The following TJP2 variants were observed in gnomAD, a reference collection of about 807,000 sequenced individuals.
TJP2 encodes Friedreich ataxia region gene X104 (tight junction protein ZO-2).
A neutral mutation model predicts 133.1 loss-of-function variants in TJP2; 91 were observed. That is an observed-to-expected ratio of 0.68 (90% CI 0.58 to 0.81). TJP2 has a LOEUF of 0.81. Ranked by LOEUF, TJP2 falls within the 40% of genes least tolerant of loss-of-function variation. The probability of loss-of-function intolerance (pLI) is 0.00; values close to 1 mark genes in which losing one functional copy is unlikely to be tolerated. For missense variants in TJP2, 1,541 were observed against 1,565.6 expected, an observed-to-expected ratio of 0.98 and a Z score of 0.26; for synonymous variants, 592 against 583.4, an observed-to-expected ratio of 1.01 and a Z score of -0.21.
intron 17 of TJP2, among the ~76,000 whole-genome samples, chr9:69,244,569 G>A (rs935368794): frequency 4.6e-5 from 7 of 152,192 alleles, no homozygotes; most frequent in Admixed American, 2.0e-4. Flanking sequence ...GGGGATATAG[G>A]CATAACCCAG....
chr9:69,175,210 C>T (rs1476856141), intron 1 of TJP2, among the ~76,000 whole-genome samples: 1 of 152,212 alleles, frequency 6.6e-6, no homozygotes, highest in South Asian at 2.1e-4. Flanking sequence ...TTAGGCTAGG[C>T]TGCTTTTCTG....
Position 69,212,557 on chromosome 9 carries a change from A to G in TJP2, c.70A>G (p.Met24Val). The G allele has an allele frequency of 1.2e-6, 2 of 1,613,334 alleles. No individual in the cohort carries two copies. The highest frequency in any genetic ancestry group is 1.7e-6 in the Non-Finnish European group (2 of 1,179,358). The change falls in exon 2 of 23, where the codon ATG becomes GTG. Residue 24 changes from methionine (M) to valine (V), a missense_variant. Transcript: ENST00000377245. ...TGTTCTTTTAAAACAGGCCCCAGGCATGGAAGAGCTGATATGGGAACAGTA... is the reference window on the plus strand; with the variant it reads ...TGTTCTTTTAAAACAGGCCCCAGGCGTGGAAGAGCTGATATGGGAACAGTA... ...ELSGWLRAPG[M>V]EELIWEQYTV...
Position 69,255,187 on chromosome 9 carries a change from A to C in TJP2, c.*813A>C, listed in dbSNP as rs1185783426. The C allele has an allele frequency of 1.3e-5, 2 of 152,268 alleles. No homozygotes were observed. The highest frequency in any genetic ancestry group is 4.8e-5 in the African/African-American group (2 of 41,468). 9.4% of individuals were successfully genotyped at this position (152,268 alleles called of 1,614,324 possible). ...CAGTTTTATAATTTAATAAAAAGGA[A>C]TACATTGCAATCCGTAATTTTCTTT... On this transcript the variant is annotated 3_prime_UTR_variant, in exon 23 of 23. Coordinates refer to ENST00000377245, the MANE Select transcript of TJP2 (RefSeq NM_004817.4).
Position 69,216,473 on chromosome 9 carries a change from C to T in TJP2, c.239+10C>T. On this transcript the variant is annotated intron_variant, in intron 3 of 22. Transcript: ENST00000377245. Reference sequence around the variant, plus strand: ...CTGATGGGCTGCTCCAGTGAGTGTCCTCCCTCGCTCCGCAGCCCCTACCAG... The same window carrying T: ...CTGATGGGCTGCTCCAGTGAGTGTCTTCCCTCGCTCCGCAGCCCCTACCAG... 1 of 1,613,966 alleles carries T rather than the reference C, an allele frequency of 6.2e-7. No individual in the cohort carries two copies. The highest frequency in any genetic ancestry group is 8.5e-7 in the Non-Finnish European group (1 of 1,179,996).
intron 5 of TJP2, among the ~76,000 whole-genome samples, chr9:69,224,291 C>T (rs1346595350): frequency 6.6e-6 from 1 of 152,170 alleles, no homozygotes; most frequent in Non-Finnish European, 1.5e-5. Context: ...AGATTTTTTG[C>T]AGTGCCTTCC....
chr9:69,150,815 A>G (rs887209778), intron 1 of TJP2, among the ~76,000 whole-genome samples: 4 of 152,232 alleles, frequency 2.6e-5, no homozygotes, highest in African/African-American at 9.6e-5. Context: ...CACATAAACA[A>G]TTGTACACAA....
At chr9:69,234,398 C>CTTT (rs202100183) in intron 11 of TJP2, 41 bp from the exon 12 acceptor site, 436 of 982,796 alleles carry the variant, frequency 4.4e-4, no homozygotes, top group South Asian at 9.9e-4. Flanking sequence ...TTCTTTCTTT[C>CTTT]TTTTTTTTTT....
chr9:69,198,628 C>A (rs1157545560), intron 1 of TJP2, among the ~76,000 whole-genome samples: 2 of 152,212 alleles, frequency 1.3e-5, no homozygotes, highest in Non-Finnish European at 2.9e-5. Flanking sequence ...TTGCTTTTTG[C>A]TGTTAAACTT....
rs369376162 is a variant in TJP2 at position 69,221,432 on chromosome 9, C to T, written c.888C>T (p.Ser296=). Residue 296 remains serine (S), a synonymous_variant, in exon 5 of 23, where the codon AGC becomes AGT. Transcript: ENST00000377245. ...SREHPHSRSP[S]PEPRGRPGPI... is the part of the protein sequence containing the mutation. ...AGCACCCGCACTCACGGAGCCCCAGCCCCGAGCCTAGGGGGCGGCCGGGGC... is the reference window on the plus strand; with the variant it reads ...AGCACCCGCACTCACGGAGCCCCAGTCCCGAGCCTAGGGGGCGGCCGGGGC... 3.3e-5 allele frequency: 52 copies of T among 1,590,416 alleles called. No individual in the cohort carries two copies. The highest frequency in any genetic ancestry group is 4.2e-5 in the Non-Finnish European group (49 of 1,168,398).
chr9:69,183,030 C>CGGGGG (rs1291509970), intron 1 of TJP2, among the ~76,000 whole-genome samples: 2 of 151,734 alleles, frequency 1.3e-5, no homozygotes, highest in Non-Finnish European at 2.9e-5. Context: ...CTCCTGATCT[C>CGGGGG]GGGTGATCCA....
chr9:69,203,934 A>C (rs1167786081), intron 1 of TJP2, among the ~76,000 whole-genome samples: 1 of 152,060 alleles, frequency 6.6e-6, no homozygotes, highest in Non-Finnish European at 1.5e-5. Context: ...TTGAAACATA[A>C]ACTTGTATTC....
intron 1 of TJP2, among the ~76,000 whole-genome samples, chr9:69,130,896 G>A (rs1822466504): frequency 6.6e-6 from 1 of 152,126 alleles, no homozygotes. Context: ...ATGGGTATTG[G>A]TGTCAGGGGA....
In TJP2 at chr9:69,146,371, G is replaced by T. The variant is rs111812724; in HGVS notation, c.-130-5280G>T. Among the ~76,000 whole-genome samples the T allele has an allele frequency of 3.5e-3, 540 of 152,236 alleles. 1 individual carries two copies. The highest frequency in any genetic ancestry group is 0.012 in the African/African-American group (519 of 41,524). On this transcript the variant is annotated intron_variant, in intron 1 of 5. Transcript: ENST00000423935. ...ACTTTCTTCTCTGAAGTCTTCTTTT[G>T]TGCTTCTTACACATTAAAGACAAGG...
At chr9:69,207,310 C>T (rs901759015) in intron 1 of TJP2, among the ~76,000 whole-genome samples, 1 of 152,178 alleles carries the variant, frequency 6.6e-6, no homozygotes, top group Non-Finnish European at 1.5e-5. Flanking sequence ...GTATCACACT[C>T]TACAAATCCT....
chr9:69,231,905 G>T (rs1390680804), intron 11 of TJP2, among the ~76,000 whole-genome samples: 1 of 152,186 alleles, frequency 6.6e-6, no homozygotes, highest in Non-Finnish European at 1.5e-5. Context: ...CTATTGTGAG[G>T]CCATAGGATG....
At chr9:69,249,260 T>C (rs1333389618) in intron 19 of TJP2, 115 bp from the exon 20 acceptor site, 2 of 1,530,870 alleles carry the variant, frequency 1.3e-6, no homozygotes, top group Non-Finnish European at 1.8e-6. Context: ...AAGCACCGGC[T>C]CAGAACCTCA....
intron 1 of TJP2, chr9:69,122,017 C>A (rs1822167479): frequency 6.6e-6 from 1 of 152,362 alleles, no homozygotes; most frequent in Non-Finnish European, 1.5e-5. Flanking sequence ...GCTTCCTCAT[C>A]GCCCCCGGGG....
intron 9 of TJP2, among the ~76,000 whole-genome samples, chr9:69,228,602 A>G (rs1282509514): frequency 6.6e-6 from 1 of 152,234 alleles, no homozygotes; most frequent in Non-Finnish European, 1.5e-5. Context: ...ATATGTATGT[A>G]CATGTATATG....
At chr9:69,241,965 C>A (rs558611402) in intron 17 of TJP2, among the ~76,000 whole-genome samples, 1 of 152,322 alleles carries the variant, frequency 6.6e-6, no homozygotes, top group South Asian at 2.1e-4. Context: ...TTAAAACTAT[C>A]CCCACTTTAT....
Sources: gnomAD v4.1 joint callset for allele counts (sites outside exome capture counted in the v4.1 genomes callset) on GRCh38, gnomAD v4.1.1 for gene constraint, MANE v1.5 for transcripts, NCBI Gene and HGNC (gene_info 2026-07-23, HGNC 2026-07-21) for gene names.